The following NTM variants were observed in gnomAD, a reference collection of about 807,000 sequenced individuals.
NTM encodes the protein IgLON family member 2.
Under a neutral mutation model 42.1 loss-of-function variants are expected in NTM, and 13 were observed. The observed-to-expected ratio is 0.31, with a 90% confidence interval of 0.20 to 0.49. NTM has a LOEUF of 0.49. NTM is among the 20% of genes least tolerant of loss of function. NTM has a pLI of 0.99. For synonymous variants in NTM, 187 were observed against 179.2 expected (o/e 1.04, Z -0.35); for missense variants, 373 against 452.8 (o/e 0.82, Z 1.60).
chr11:132,065,193 T>G (rs1038222718), intron 2 of NTM, among the ~76,000 whole-genome samples: 3 of 152,198 alleles, frequency 2.0e-5, no homozygotes, highest in African/African-American at 7.2e-5. Flanking sequence ...CATTGTGACA[T>G]TTCATGACCA....
At chr11:131,396,875 G>C (rs1191424278) in intron 1 of NTM, among the ~76,000 whole-genome samples, 1 of 151,898 alleles carries the variant, frequency 6.6e-6, no homozygotes, top group Non-Finnish European at 1.5e-5. Flanking sequence ...CACCAATTCT[G>C]TTATTGATTA....
rs574095847 is a variant in NTM at position 131,443,133 on chromosome 11, T to C, written c.82+72245T>C. Among the ~76,000 whole-genome samples, 18 of 152,290 alleles carry C rather than the reference T, an allele frequency of 1.2e-4. 1 individual carries two copies. In the South Asian group the frequency reaches 3.5e-3, roughly 30 times the overall value. On this transcript the variant is annotated intron_variant, in intron 1 of 8. Transcript: ENST00000683400. ...GAACTTGAGGGCATCTAATACACAG[T>C]ACGTGTGGTGAGCTGAACAGGGTAA...
intron 1 of NTM, among the ~76,000 whole-genome samples, chr11:131,887,729 C>T (rs2050629998): frequency 6.6e-6 from 1 of 152,178 alleles, no homozygotes; most frequent in South Asian, 2.1e-4. Flanking sequence ...CTATCTTCCC[C>T]ATTAAGTTAT....
chr11:131,853,869 A>C (rs902876065), intron 1 of NTM, among the ~76,000 whole-genome samples: 2 of 152,202 alleles, frequency 1.3e-5, no homozygotes, highest in African/African-American at 4.8e-5. Flanking sequence ...ACAGTGTCAA[A>C]GCATTCCTTC....
intron 3 of NTM, among the ~76,000 whole-genome samples, chr11:132,190,490 C>A (rs1343165277): frequency 3.9e-5 from 6 of 152,100 alleles, no homozygotes; most frequent in Non-Finnish European, 8.8e-5. Context: ...GTAATCCCAG[C>A]ACTTTGGGAG....
At chr11:132,040,381 G>A (rs945589948) in intron 2 of NTM, among the ~76,000 whole-genome samples, 1 of 152,212 alleles carries the variant, frequency 6.6e-6, no homozygotes, top group African/African-American at 2.4e-5. Flanking sequence ...TATTTCTGAA[G>A]GATTCTAAGA....
chr11:131,389,124 A>T (rs1005639513), intron 1 of NTM, among the ~76,000 whole-genome samples: 2 of 152,166 alleles, frequency 1.3e-5, no homozygotes, highest in African/African-American at 4.8e-5. Context: ...CTGAGCACCT[A>T]TTATGGGCCA....
chr11:132,019,229 T>A (rs1565958545), intron 2 of NTM, among the ~76,000 whole-genome samples: 1 of 151,400 alleles, frequency 6.6e-6, no homozygotes, highest in Non-Finnish European at 1.5e-5. Context: ...CTATTCCAGT[T>A]TTTTAGATGT....
intron 1 of NTM, among the ~76,000 whole-genome samples, chr11:131,383,367 T>TA (rs1942932371): frequency 2.0e-5 from 3 of 152,198 alleles, no homozygotes; most frequent in South Asian, 4.1e-4. Flanking sequence ...AGTGCTAGAA[T>TA]AAAAGCAGGT....
At chr11:131,825,591 T>C (rs773970823) in intron 1 of NTM, among the ~76,000 whole-genome samples, 8 of 152,024 alleles carry the variant, frequency 5.3e-5, no homozygotes, top group Non-Finnish European at 1.0e-4. Flanking sequence ...TATGGGAAGG[T>C]TGGGTGTGGA....
intron 8 of NTM, among the ~76,000 whole-genome samples, chr11:132,331,009 A>T (rs1053062033): frequency 6.6e-6 from 1 of 152,174 alleles, no homozygotes; most frequent in Admixed American, 6.5e-5. Context: ...TCCACATAGC[A>T]TTCATTCATT....
At chr11:132,078,582 C>A (rs1169223669) in intron 2 of NTM, among the ~76,000 whole-genome samples, 1 of 152,196 alleles carries the variant, frequency 6.6e-6, no homozygotes, top group Non-Finnish European at 1.5e-5. Context: ...TGAAAGAAAG[C>A]AGCACTTAAA....
intron 2 of NTM, among the ~76,000 whole-genome samples, chr11:132,034,086 T>C (rs570444112): frequency 6.6e-6 from 1 of 152,346 alleles, no homozygotes; most frequent in African/African-American, 2.4e-5. Flanking sequence ...TACATGACTT[T>C]CTTAAACCTT....
intron 2 of NTM, among the ~76,000 whole-genome samples, chr11:132,000,326 C>T (rs2068949119): frequency 6.6e-6 from 1 of 152,216 alleles, no homozygotes; most frequent in Non-Finnish European, 1.5e-5. Context: ...CAAAAGATTT[C>T]CATATCATCA....
At chr11:132,302,532 C>CT (rs1226398325) in intron 4 of NTM, among the ~76,000 whole-genome samples, 6 of 152,112 alleles carry the variant, frequency 3.9e-5, no homozygotes, top group African/African-American at 1.4e-4. Flanking sequence ...GGGTCTCTGA[C>CT]TTTTTTTCAT....
chr11:131,594,481 C>T (rs577024868), intron 1 of NTM, among the ~76,000 whole-genome samples: 12 of 152,044 alleles, frequency 7.9e-5, no homozygotes, highest in South Asian at 2.1e-4. Context: ...CTGCAACCTC[C>T]GCCTCCCAAG....
At chr11:131,716,741 C>T (rs916032250) in intron 1 of NTM, among the ~76,000 whole-genome samples, 8 of 152,112 alleles carry the variant, frequency 5.3e-5, no homozygotes, top group Non-Finnish European at 1.0e-4. Flanking sequence ...AATCAGTTAT[C>T]TTTGTCAGTA....
At chr11:131,843,925 T>C (rs2044604050) in intron 1 of NTM, among the ~76,000 whole-genome samples, 1 of 152,134 alleles carries the variant, frequency 6.6e-6, no homozygotes, top group Admixed American at 6.5e-5. Flanking sequence ...TATGAATTCT[T>C]TTTTACATGC....
At chr11:132,227,618 G>T (rs2086597549) in intron 4 of NTM, among the ~76,000 whole-genome samples, 1 of 152,144 alleles carries the variant, frequency 6.6e-6, no homozygotes, top group African/African-American at 2.4e-5. Context: ...AGGGGAAAGA[G>T]TTAGCCAAGA....
Sources: allele counts gnomAD v4.1 joint callset (sites outside exome capture counted in the v4.1 genomes callset), GRCh38; gene constraint gnomAD v4.1.1; transcripts MANE v1.5; gene names NCBI Gene and HGNC (gene_info 2026-07-23, HGNC 2026-07-21).